The following A1CF variants were observed in gnomAD, a reference collection of about 807,000 sequenced individuals.
A1CF encodes APOBEC-1 stimulating protein.
A1CF carries 48 observed loss-of-function variants against 68.9 expected under a neutral mutation model. The observed-to-expected ratio is 0.70, with a 90% CI of 0.55 to 0.89. The LOEUF (loss-of-function observed/expected upper bound fraction) is 0.89, where lower values mean the gene tolerates loss of function less well. Among genes scored for constraint, A1CF ranks in the 40% least tolerant of loss-of-function variants. The pLI is 0.00. For missense variants in A1CF, 653 were observed against 718.9 expected (o/e 0.91, Z 1.05); for synonymous variants, 272 against 260.4 (o/e 1.04, Z -0.43).
chr10:50,827,008 A>C (rs1419055069), intron 7 of A1CF, among the ~76,000 whole-genome samples: 1 of 152,230 alleles, frequency 6.6e-6, no homozygotes, highest in Non-Finnish European at 1.5e-5. Flanking sequence ...AGAGACTTTA[A>C]ACCAACAAAG....
intron 3 of A1CF, among the ~76,000 whole-genome samples, chr10:50,856,713 T>TA (rs1840493071): frequency 6.6e-6 from 1 of 152,128 alleles, no homozygotes; most frequent in Non-Finnish European, 1.5e-5. Context: ...ATAGTAGCTA[T>TA]CACACAGTGT....
chr10:50,867,925 T>C (rs1841070845), intron 1 of A1CF, among the ~76,000 whole-genome samples: 1 of 152,146 alleles, frequency 6.6e-6, no homozygotes, highest in Non-Finnish European at 1.5e-5. Context: ...TCGGAAGAAA[T>C]TGGATAAGGA....
intron 11 of A1CF, 59 bp from the exon 12 acceptor site, chr10:50,810,101 AAACTT>A (rs1838032236): frequency 3.1e-6 from 5 of 1,594,800 alleles, no homozygotes; most frequent in African/African-American, 1.3e-5. Context: ...AGTCAGGTGA[AAACTT>A]AAGGCACTAT....
At chr10:50,843,625 T>G (rs748884658) in intron 4 of A1CF, among the ~76,000 whole-genome samples, 1 of 152,230 alleles carries the variant, frequency 6.6e-6, no homozygotes, top group Non-Finnish European at 1.5e-5. Flanking sequence ...ATGTTGTACT[T>G]TATAAAACTG....
intron 1 of A1CF, among the ~76,000 whole-genome samples, chr10:50,883,559 C>A (rs1012195479): frequency 6.6e-6 from 1 of 152,140 alleles, no homozygotes; most frequent in African/African-American, 2.4e-5. Context: ...GTGATTATTT[C>A]AATGGATTCT....
intron 7 of A1CF, 124 bp from the exon 8 acceptor site, chr10:50,820,773 G>T: frequency 1.5e-6 from 1 of 647,890 alleles, no homozygotes; most frequent in Non-Finnish European, 2.5e-6. Context: ...TTTAAGTAAG[G>T]ATCTCATCAA....
At chr10:50,806,997 A>G in intron 12 of A1CF, 117 bp from the exon 13 acceptor site, 2 of 1,051,818 alleles carry the variant, frequency 1.9e-6, no homozygotes, top group East Asian at 5.1e-5. Context: ...CTAAAAGTTA[A>G]TATATATGTT....
intron 12 of A1CF, among the ~76,000 whole-genome samples, chr10:50,807,621 A>G (rs1392566304): frequency 6.6e-6 from 1 of 152,226 alleles, no homozygotes; most frequent in Non-Finnish European, 1.5e-5. Flanking sequence ...CTTTCATGTT[A>G]GCATTGTGTC....
At chr10:50,881,518 C>A (rs1228863484) in intron 1 of A1CF, among the ~76,000 whole-genome samples, 1 of 152,110 alleles carries the variant, frequency 6.6e-6, no homozygotes. Context: ...TTTATAAGTT[C>A]TTGTATATGA....
intron 5 of A1CF, among the ~76,000 whole-genome samples, chr10:50,838,977 C>G (rs1299165562): frequency 1.3e-5 from 2 of 152,170 alleles, no homozygotes; most frequent in Admixed American, 1.3e-4. Context: ...CCTCCTCCAT[C>G]ATCACCACCA....
chr10:50,868,724 T>C (rs1409040741), intron 1 of A1CF, among the ~76,000 whole-genome samples: 1 of 152,118 alleles, frequency 6.6e-6, no homozygotes, highest in Non-Finnish European at 1.5e-5. Context: ...TTGACAAAAA[T>C]TTTCCTCTGT....
At chr10:50,814,955 G>A (rs1339088335) in intron 9 of A1CF, among the ~76,000 whole-genome samples, 4 of 152,088 alleles carry the variant, frequency 2.6e-5, no homozygotes, top group African/African-American at 9.7e-5. Context: ...CAATTTTGGG[G>A]CAAGTAATTA....
intron 6 of A1CF, among the ~76,000 whole-genome samples, chr10:50,828,985 T>A (rs955919486): frequency 4.6e-5 from 7 of 152,192 alleles, no homozygotes; most frequent in African/African-American, 1.7e-4. Flanking sequence ...AGAATTTTAA[T>A]TCTTCTGTAA....
At chr10:50,879,669 C>G (rs1305942268) in intron 1 of A1CF, among the ~76,000 whole-genome samples, 1 of 152,126 alleles carries the variant, frequency 6.6e-6, no homozygotes, top group African/African-American at 2.4e-5. Context: ...CATGAGAATT[C>G]ACTCATTATC....
intron 2 of A1CF, among the ~76,000 whole-genome samples, chr10:50,861,844 T>C (rs1840761891): frequency 6.7e-6 from 1 of 148,406 alleles, no homozygotes; most frequent in Admixed American, 6.8e-5. Context: ...AATAGTAATA[T>C]TAATAGTATT....
intron 5 of A1CF, among the ~76,000 whole-genome samples, chr10:50,839,157 G>A (rs749029663): frequency 9.2e-5 from 14 of 152,128 alleles, no homozygotes; most frequent in South Asian, 2.1e-4. Context: ...ATCAGTGGCC[G>A]TAGTGGATTG....
At chr10:50,875,411 C>T (rs553341700) in intron 1 of A1CF, among the ~76,000 whole-genome samples, 79 of 152,194 alleles carry the variant, frequency 5.2e-4, no homozygotes, top group African/African-American at 1.8e-3. Flanking sequence ...TTGTGTGGTT[C>T]TATGTACGGA....
intron 3 of A1CF, among the ~76,000 whole-genome samples, chr10:50,857,388 A>G (rs1840532110): frequency 6.6e-6 from 1 of 152,184 alleles, no homozygotes; most frequent in Non-Finnish European, 1.5e-5. Context: ...TTAGGTATGA[A>G]ACCAAGTGAC....
intron 1 of A1CF, among the ~76,000 whole-genome samples, chr10:50,883,240 T>C (rs952994159): frequency 6.6e-6 from 1 of 152,090 alleles, no homozygotes; most frequent in Non-Finnish European, 1.5e-5. Flanking sequence ...GAAGTGGGGT[T>C]TTTGCTGAAT....
Sources: allele counts gnomAD v4.1 joint callset (sites outside exome capture counted in the v4.1 genomes callset), GRCh38; gene constraint gnomAD v4.1.1; transcripts MANE v1.5; gene names NCBI Gene and HGNC (gene_info 2026-07-23, HGNC 2026-07-21).